Variants in GZMK observed in about 807,000 individuals in gnomAD.
GZMK encodes granzyme K.
GZMK carries 18 observed loss-of-function variants against 22.8 expected under a neutral mutation model. The ratio of observed to expected loss-of-function variants is 0.79; its 90% CI spans 0.54 to 1.17. The LOEUF (loss-of-function observed/expected upper bound fraction) is 1.17. Among genes scored for constraint, GZMK ranks in the 50% most tolerant of loss-of-function variants. GZMK has a pLI of 0.00. For synonymous variants in GZMK, 136 were observed against 115.0 expected (o/e 1.18, Z -1.17); for missense variants, 342 against 320.2 (o/e 1.07, Z -0.52).
In GZMK at chr5:55,031,435, T is replaced by A. The variant is rs139113584; in HGVS notation, c.435T>A (p.Ser145=). 1.9e-6 allele frequency: 3 copies of A among 1,613,636 alleles called. No individual in the cohort carries two copies. In the African/African-American group the frequency reaches 4.0e-5, roughly 22 times the overall value. Residue 145 remains serine, a synonymous_variant, in exon 4 of 5, where the codon TCT becomes TCA. Transcript: ENST00000231009. ...LHIRSKTSLR[S]GTKCKVTGWG... ...TAAGATCCAAAACCTCTCTTAGATC[T>A]GGAACCAAATGCAAGGTTACTGGCT...
Position 55,024,337 on chromosome 5 carries a change from T to C in GZMK, c.15T>C (p.Ser5=). 1 of 1,472,612 alleles carries C rather than the reference T, an allele frequency of 6.8e-7. No homozygotes were observed. The highest frequency in any genetic ancestry group is 1.4e-5 in the African/African-American group (1 of 72,044). The allele number at this position is 1,472,612 out of a possible 1,614,324, so 91.2% of individuals were successfully genotyped here. A position where few individuals can be genotyped will look rare whatever the true frequency, so the allele number is the denominator to read the frequency against. MTKF[S]SFSLFFLIVG... ...AAATCTTTAAAATGACTAAGTTTTC[T>C]TCCTTTTCTCTGTTTTTCCTAATAG... Residue 5 remains serine (S), a synonymous_variant, in exon 1 of 5, where the codon TCT becomes TCC. Coordinates refer to ENST00000231009, the MANE Select transcript of GZMK (RefSeq NM_002104.3).
chr5:55,030,342 T>C, intron 2 of GZMK, 92 bp from the exon 3 acceptor site: 2 of 1,166,906 alleles, frequency 1.7e-6, no homozygotes, highest in Non-Finnish European at 2.5e-6. Flanking sequence ...AGCCCTTGTT[T>C]CTCTGTGTAT....
At chr5:55,027,394 G>A (rs997433451) in intron 2 of GZMK, among the ~76,000 whole-genome samples, 3 of 152,166 alleles carry the variant, frequency 2.0e-5, no homozygotes, top group African/African-American at 4.8e-5. Context: ...TAGGGACCCT[G>A]CCTTTGCTGC....
At chr5:55,031,776 C>G (rs747739552) in intron 4 of GZMK, 143 bp downstream of exon 4, 3 of 646,356 alleles carry the variant, frequency 4.6e-6, no homozygotes, top group African/African-American at 3.6e-5. Flanking sequence ...TCCTGCACAG[C>G]ATTCTCTATT....
In GZMK at chr5:55,031,308, C is replaced by T. The variant is rs368111434; in HGVS notation, c.364-56C>T. The T allele has an allele frequency of 2.0e-5, 30 of 1,473,722 alleles. No homozygotes were observed. In the East Asian group the frequency reaches 6.1e-4, roughly 30 times the overall value. 91.3% of individuals were successfully genotyped at this position (1,473,722 alleles called of 1,614,324 possible). ...AGGGACCACACATACGACGCACAGGCTAGCATCAGAATACTACTGGGAAAG... is the reference window on the plus strand; with the variant it reads ...AGGGACCACACATACGACGCACAGGTTAGCATCAGAATACTACTGGGAAAG... On this transcript the variant is annotated intron_variant, in intron 3 of 4. Transcript: ENST00000231009.
chr5:55,030,325 T>G, intron 2 of GZMK, 109 bp from the exon 3 acceptor site: 2 of 972,648 alleles, frequency 2.1e-6, no homozygotes, highest in Non-Finnish European at 3.1e-6. Flanking sequence ...CAGGTTACCT[T>G]GGAGATAGCC....
chr5:55,024,815 C>T lies in GZMK; in HGVS notation c.212+8C>T. 1 of 1,554,316 alleles carries T rather than the reference C, an allele frequency of 6.4e-7. No individual in the cohort carries two copies. The highest frequency in any genetic ancestry group is 8.7e-7 in the Non-Finnish European group (1 of 1,143,194). On this transcript the variant is annotated splice_region_variant and intron_variant, in intron 2 of 4. Coordinates refer to ENST00000231009, the MANE Select transcript of GZMK (RefSeq NM_002104.3). ...AGCCCACTGCCAATATCGGTGAGTCCTCCACACTTTTCCAGACATGTGTTT... is the reference window on the plus strand; with the variant it reads ...AGCCCACTGCCAATATCGGTGAGTCTTCCACACTTTTCCAGACATGTGTTT...
At chr5:55,030,639 C>T in intron 3 of GZMK, 55 bp downstream of exon 3, 1 of 1,368,450 alleles carries the variant, frequency 7.3e-7, no homozygotes, top group Non-Finnish European at 1.0e-6. Context: ...TACAGGATGG[C>T]TCAATTAGTT....
intron 2 of GZMK, among the ~76,000 whole-genome samples, chr5:55,025,457 G>A (rs915848506): frequency 2.0e-5 from 3 of 152,158 alleles, no homozygotes; most frequent in African/African-American, 7.2e-5. Flanking sequence ...TACTTAGAAT[G>A]AAAGCTTTTC....
In GZMK at chr5:55,030,568, A is replaced by C. The variant is rs568668152; in HGVS notation, c.347A>C (p.Asp116Ala). The change falls in exon 3 of 5, where the codon GAT (aspartate) becomes GCT (alanine). Residue 116 changes from aspartate to alanine, a missense_variant. Asp to Ala is a moderately radical substitution (Grantham distance 126). Coordinates refer to ENST00000231009, the MANE Select transcript of GZMK (RefSeq NM_002104.3). ...SRVTSDPQSN[D>A]IMLVKLQTAA... ...GTTACATCAGATCCTCAATCAAATG[A>C]TATCATGCTGGTTAAGGTAGGTAGT... 3.7e-6 allele frequency: 6 copies of C among 1,612,310 alleles called. No individual in the cohort carries two copies. In the Admixed American group the frequency reaches 1.0e-4, roughly 27 times the overall value.
At position 55,033,748 on chromosome 5, in the gene GZMK, C is replaced by T. The variant is rs1271113490; in HGVS notation, c.634-17C>T. 1.9e-6 allele frequency: 3 copies of T among 1,573,522 alleles called. No homozygotes were observed. Among genetic ancestry groups the T allele is most frequent in the Non-Finnish European group, 2.6e-6 (3 of 1,165,726 alleles). ...AACAGCTTCTTACCACGTATTTGCC[C>T]TTTTTCTTCCTTCCAGGGTGACTCA... On this transcript the variant is annotated splice_polypyrimidine_tract_variant and intron_variant, in intron 4 of 4. Coordinates refer to ENST00000231009, the MANE Select transcript of GZMK (RefSeq NM_002104.3).
intron 3 of GZMK, 27 bp downstream of exon 3, chr5:55,030,611 AT>A: frequency 6.3e-7 from 1 of 1,583,470 alleles, no homozygotes; most frequent in East Asian, 2.2e-5. Context: ...TCTTCCTTCT[AT>A]TTTGTCAACA....
At chr5:55,026,648 C>G (rs1848502) in intron 2 of GZMK, among the ~76,000 whole-genome samples, 68,321 of 152,022 alleles carry the variant, frequency 0.45, 18,506 homozygotes, top group African/African-American at 0.76. Context: ...GAATAGTTTG[C>G]CCCAAGCCTC....
At chr5:55,025,283 G>C (rs1175887891) in intron 2 of GZMK, among the ~76,000 whole-genome samples, 2 of 152,158 alleles carry the variant, frequency 1.3e-5, no homozygotes, top group Non-Finnish European at 2.9e-5. Context: ...AAAAATTGCA[G>C]CTATTATCAT....
At chr5:55,028,946 C>CA (rs1434858630) in intron 2 of GZMK, among the ~76,000 whole-genome samples, 1 of 152,182 alleles carries the variant, frequency 6.6e-6, no homozygotes. Flanking sequence ...ATTTAAAAAG[C>CA]AAACCTTGCC....
At chr5:55,031,669 G>A (rs757235663) in intron 4 of GZMK, 36 bp downstream of exon 4, 34 of 1,580,532 alleles carry the variant, frequency 2.2e-5, no homozygotes, top group Middle Eastern at 1.7e-4. Context: ...ATCTTGGAGC[G>A]CTGTACAGTA....
At chr5:55,025,130 G>A (rs1180889155) in intron 2 of GZMK, 1 of 182,976 alleles carries the variant, frequency 5.5e-6, no homozygotes, top group Non-Finnish European at 1.1e-5. Flanking sequence ...AAGGAAATCA[G>A]ACAACCTGAG....
At chr5:55,027,171 G>A (rs1472188633) in intron 2 of GZMK, among the ~76,000 whole-genome samples, 2 of 152,174 alleles carry the variant, frequency 1.3e-5, no homozygotes, top group South Asian at 2.1e-4. Context: ...ACGCTGTTGT[G>A]CGGTTTAAAT....
rs1741258878 is a variant in GZMK, at chr5:55,033,087, A to C, written c.634-678A>C. Among the ~76,000 whole-genome samples, 3 of 152,020 alleles carry C rather than the reference A, an allele frequency of 2.0e-5. No individual in the cohort carries two copies. In the East Asian group the frequency reaches 5.8e-4, roughly 29 times the overall value. On this transcript the variant is annotated intron_variant, in intron 4 of 4. Transcript: ENST00000231009. ...ATGTAGAAGCCAGCTCTTCATCAAA[A>C]GGCCATGCCATCCCCTCTATAGCTC...
Sources: gnomAD v4.1 joint callset for allele counts (sites outside exome capture counted in the v4.1 genomes callset) on GRCh38, gnomAD v4.1.1 for gene constraint, MANE v1.5 for transcripts, NCBI Gene and HGNC (gene_info 2026-07-23, HGNC 2026-07-21) for gene names.